Variants in SMC1A observed in about 807,000 individuals in gnomAD.
The protein encoded by SMC1A is structural maintenance of chromosomes protein 1A.
In SMC1A, 4 loss-of-function variants were observed where a neutral mutation model predicts 94.5. The ratio of observed to expected loss-of-function variants is 0.04; its 90% CI spans 0.02 to 0.10. The LOEUF is 0.10. Ranked by LOEUF, SMC1A falls within the 10% of genes least tolerant of loss-of-function variation. SMC1A has a pLI of 1.00. For missense variants in SMC1A, 304 were observed against 989.0 expected (o/e 0.31, Z 9.29); for synonymous variants, 345 against 347.7 (o/e 0.99, Z 0.09).
Position 53,375,112 on chromosome X carries a change from C to T in SMC1A, c.*4991G>A, listed in dbSNP as rs2075555411. 8.9e-6 allele frequency: 1 copy of T among 112,441 alleles called. No homozygotes were observed. The highest frequency in any genetic ancestry group is 1.9e-5 in the Non-Finnish European group (1 of 53,282). 9.3% of individuals were successfully genotyped at this position (112,441 alleles called of 1,213,427 possible). ...ATGGTACAGAGCATGGCAACTTATG[C>T]TAAGGAAACCCCTTAGAAGGGACTG... On this transcript the variant is annotated 3_prime_UTR_variant, in exon 25 of 25. Coordinates refer to ENST00000322213, the MANE Select transcript of SMC1A (RefSeq NM_006306.4).
rs2146598286 is a variant in SMC1A at position 53,403,627 on chromosome X, G to A, written c.2359C>T (p.Arg787Cys). The change falls in exon 15 of 25, where the codon CGC becomes TGC. Residue 787 changes from arginine to cysteine, a missense_variant. Physicochemically the swap from Arg to Cys is radical, Grantham distance 180. Around this residue, in one of 11 missense-constraint regions of SMC1A, gnomAD observed 57 missense variants for 278.1 expected, o/e 0.20. Transcript: ENST00000322213. ...TCTTCCTCAAACTCCCGGATGTTGCGCACACCAATCTCCCGACAAAACTCT... is the reference window on the plus strand; with the variant it reads ...TCTTCCTCAAACTCCCGGATGTTGCACACACCAATCTCCCGACAAAACTCT... ...FEEFCREIGV[R>C]NIREFEEEKV... The A allele has an allele frequency of 2.5e-6, 3 of 1,208,500 alleles. No homozygotes were observed. Among genetic ancestry groups the A allele is most frequent in the Non-Finnish European group, 3.4e-6 (3 of 893,871 alleles).
At chrX:53,397,953 A>G (rs1556888282) in intron 16 of SMC1A, among the ~76,000 whole-genome samples, 1 of 110,381 alleles carries the variant, frequency 9.1e-6, no homozygotes, top group African/African-American at 3.3e-5. Flanking sequence ...TGGGAGGCAG[A>G]GGCGGGCGGA....
At chrX:53,412,848 C>T (rs1449692064) in intron 5 of SMC1A, 52 bp downstream of exon 5, 3 of 1,210,322 alleles carry the variant, frequency 2.5e-6, no homozygotes, top group East Asian at 3.0e-5. Flanking sequence ...CCCTAATAAA[C>T]AGCACGGCCT....
At chrX:53,396,724 TC>T (rs2075652615) in intron 16 of SMC1A, 107 bp from the exon 17 acceptor site, 1 of 899,432 alleles carries the variant, frequency 1.1e-6, no homozygotes, top group Non-Finnish European at 1.6e-6. Context: ...TTGGAGTCAC[TC>T]GTCAATGAGC....
intron 7 of SMC1A, 74 bp from the exon 8 acceptor site, chrX:53,409,577 C>T (rs2075703529): frequency 1.3e-6 from 1 of 795,888 alleles, no homozygotes; most frequent in Non-Finnish European, 1.9e-6. Context: ...AGATCACACC[C>T]TTTATGTGCC....
chrX:53,403,964 G>C (rs1282257082), intron 13 of SMC1A, 71 bp from the exon 14 acceptor site: 2 of 738,458 alleles, frequency 2.7e-6, no homozygotes, highest in Non-Finnish European at 4.3e-6. Context: ...GACTGCATTG[G>C]CCCCACAGTC....
At chrX:53,422,185 G>T (rs782317331) in intron 1 of SMC1A, 2 of 648,517 alleles carry the variant, frequency 3.1e-6, no homozygotes, top group African/African-American at 2.2e-5. Context: ...CTGAGCTGGC[G>T]GGAAGCTGGT....
At position 53,375,850 on chromosome X, in the gene SMC1A, C is replaced by G. The variant is rs782231289; in HGVS notation, c.*4253G>C. 1 of 112,153 alleles carries G rather than the reference C, an allele frequency of 8.9e-6. No homozygotes were observed. Among genetic ancestry groups the G allele is most frequent in the Non-Finnish European group, 1.9e-5 (1 of 53,192 alleles). The allele number at this position is 112,153 out of a possible 1,213,427, so 9.2% of individuals were successfully genotyped here. ...ATCAGTCATTAAGTTATCATCTTAC[C>G]TTAACAGTTCACACCTTAACACCTC... On this transcript the variant is annotated 3_prime_UTR_variant, in exon 25 of 25. Transcript: ENST00000322213.
intron 1 of SMC1A, among the ~76,000 whole-genome samples, chrX:53,420,767 G>C (rs2075751557): frequency 9.0e-6 from 1 of 110,915 alleles, no homozygotes; most frequent in East Asian, 2.8e-4. Context: ...ACAACCCCAA[G>C]CCTCTCTAAT....
chrX:53,398,249 T>C (rs1556888335), intron 16 of SMC1A, among the ~76,000 whole-genome samples: 1 of 106,423 alleles, frequency 9.4e-6, no homozygotes, highest in African/African-American at 3.4e-5. Flanking sequence ...GGGTTAATGA[T>C]GAAAACACAG....
chrX:53,408,088 G>A (rs1163598672), intron 9 of SMC1A, among the ~76,000 whole-genome samples: 2 of 111,867 alleles, frequency 1.8e-5, no homozygotes, highest in Non-Finnish European at 3.8e-5. Context: ...TACCACTTTG[G>A]GAGGCCGAGG....
chrX:53,402,113 T>G (rs1245727847), intron 15 of SMC1A, among the ~76,000 whole-genome samples: 1 of 111,511 alleles, frequency 9.0e-6, no homozygotes, highest in African/African-American at 3.3e-5. Flanking sequence ...ACTCTATATG[T>G]TTCCTGAGGA....
intron 13 of SMC1A, 99 bp downstream of exon 13, chrX:53,404,913 G>A (rs1556889431): frequency 1.0e-6 from 1 of 988,031 alleles, no homozygotes; most frequent in Non-Finnish European, 1.4e-6. Flanking sequence ...CAGGCTGGGA[G>A]GAGACGGGGA....
intron 7 of SMC1A, among the ~76,000 whole-genome samples, chrX:53,410,131 A>G (rs1556890282): frequency 9.0e-6 from 1 of 111,540 alleles, no homozygotes; most frequent in East Asian, 2.8e-4. Flanking sequence ...GGAGGCAGTA[A>G]GTAAAGTATA....
intron 19 of SMC1A, among the ~76,000 whole-genome samples, chrX:53,390,973 CAAAAAAAAAAA>C (rs782771730): frequency 3.5e-4 from 12 of 34,322 alleles, no homozygotes; most frequent in African/African-American, 1.6e-3. Flanking sequence ...GACTCCGTCT[CAAAAAAAAAAA>C]AAAAAAAAAA....
chrX:53,412,268 G>A lies in SMC1A; in HGVS notation c.855-15C>T, dbSNP rs147791932. On this transcript the variant is annotated splice_polypyrimidine_tract_variant and intron_variant, in intron 5 of 24. Coordinates refer to ENST00000322213, the MANE Select transcript of SMC1A (RefSeq NM_006306.4). ...AGTCCTTCTCCCTTTTGCCAGAGGG[G>A]TGGGGGAAACCAGTGAGAACTATGG... 637 of 1,207,494 alleles carry A rather than the reference G, an allele frequency of 5.3e-4. 5 individuals carry two copies. The African/African-American group carries it at 0.011, about 20-fold the overall frequency.
chrX:53,396,480 GCCC>G lies in SMC1A; in HGVS notation c.2697_2699del (p.Gly900del). 1 of 1,210,313 alleles carries G rather than the reference GCCC, an allele frequency of 8.3e-7. No homozygotes were observed. Among genetic ancestry groups the G allele is most frequent in the Non-Finnish European group, 1.1e-6 (1 of 895,135 alleles). Reference sequence around the variant, plus strand: ...GGCCTGAACCCACTCACTTGTTGGCGCCCCCGAGTTTCTTACGAATCTCCTCCA... The same window carrying G: ...GGCCTGAACCCACTCACTTGTTGGCGCCGAGTTTCTTACGAATCTCCTCCA... On this transcript the variant is annotated inframe_deletion, in exon 17 of 25. Coordinates refer to ENST00000322213, the MANE Select transcript of SMC1A (RefSeq NM_006306.4).
chrX:53,411,689 G>T, intron 7 of SMC1A, 72 bp downstream of exon 7: 1 of 1,144,105 alleles, frequency 8.7e-7, no homozygotes, highest in Non-Finnish European at 1.2e-6. Context: ...GATTATTTTG[G>T]ATTTGGGATG....
chrX:53,404,509 T>C (rs1556889367), intron 13 of SMC1A, among the ~76,000 whole-genome samples: 1 of 111,439 alleles, frequency 9.0e-6, no homozygotes, highest in East Asian at 2.8e-4. Flanking sequence ...ATTTATTTAT[T>C]TTGAGACAGA....
Sources: allele counts gnomAD v4.1 joint callset (sites outside exome capture counted in the v4.1 genomes callset), GRCh38; gene constraint gnomAD v4.1.1; regional missense constraint gnomAD v4.1.1; transcripts MANE v1.5; gene names NCBI Gene and HGNC (gene_info 2026-07-23, HGNC 2026-07-21).